The following CNTNAP3B variants were observed in gnomAD, a reference collection of about 807,000 sequenced individuals.
The protein encoded by CNTNAP3B is contactin associated protein family member 3B, also known as contactin-associated protein-like 3B.
In CNTNAP3B, 25 loss-of-function variants were observed where a neutral mutation model predicts 108.9. The ratio of observed to expected loss-of-function variants is 0.23; its 90% CI spans 0.17 to 0.32. CNTNAP3B has a LOEUF of 0.32. Among genes scored for constraint, CNTNAP3B ranks in the 10% least tolerant of loss-of-function variants. CNTNAP3B has a pLI of 1.00. For missense variants in CNTNAP3B, 252 were observed against 1,210.4 expected (o/e 0.21, Z 11.75); for synonymous variants, 103 against 473.4 (o/e 0.22, Z 10.16).
intron 9 of CNTNAP3B, among the ~76,000 whole-genome samples, chr9:41,973,913 C>T (rs1161449027): frequency 7.4e-6 from 1 of 135,706 alleles, no homozygotes. Flanking sequence ...GGCACCATCT[C>T]GGTTCACTGC....
chr9:42,119,920 G>T (rs1163242840), intron 1 of CNTNAP3B, among the ~76,000 whole-genome samples: 3 of 139,902 alleles, frequency 2.1e-5, no homozygotes, highest in African/African-American at 8.5e-5. Context: ...CATGGGCAAG[G>T]ACTTCATGTC....
At chr9:41,930,657 C>A (rs1823950566) in intron 14 of CNTNAP3B, among the ~76,000 whole-genome samples, 1 of 152,298 alleles carries the variant, frequency 6.6e-6, no homozygotes, top group Non-Finnish European at 1.5e-5. Context: ...TAGTCTCTGC[C>A]TTCTGAAAGC....
chr9:42,084,437 G>C (rs1354461732), intron 2 of CNTNAP3B, among the ~76,000 whole-genome samples: 1 of 93,558 alleles, frequency 1.1e-5, no homozygotes, highest in South Asian at 3.2e-4. Flanking sequence ...ACTTTCTTCA[G>C]GGAGTGATTA....
At chr9:41,953,001 G>A (rs1312785373) in intron 13 of CNTNAP3B, among the ~76,000 whole-genome samples, 182 bp downstream of exon 13, 2 of 152,266 alleles carry the variant, frequency 1.3e-5, no homozygotes, top group East Asian at 3.8e-4. Flanking sequence ...CAACGGTCAG[G>A]AAGGCGCTCT....
chr9:42,007,680 A>G (rs1339519571), intron 4 of CNTNAP3B, among the ~76,000 whole-genome samples: 1 of 139,290 alleles, frequency 7.2e-6, no homozygotes. Context: ...TGAAAACACT[A>G]ATCAGAAGAA....
At chr9:41,923,016 A>T in intron 16 of CNTNAP3B, 121 bp from the exon 17 acceptor site, 1 of 729,220 alleles carries the variant, frequency 1.4e-6, no homozygotes, top group Non-Finnish European at 2.3e-6. Flanking sequence ...CGATGCAGAA[A>T]AACAAGACTG....
At chr9:41,998,091 TAC>T (rs1825939895) in intron 5 of CNTNAP3B, among the ~76,000 whole-genome samples, 1 of 85,408 alleles carries the variant, frequency 1.2e-5, no homozygotes, top group Non-Finnish European at 2.3e-5. Flanking sequence ...ATATATATTA[TAC>T]ACACATATGG....
In CNTNAP3B at chr9:42,107,044, G is replaced by A. The variant is rs540477375; in HGVS notation, c.86-2305C>T. Among the ~76,000 whole-genome samples, 7 of 92,174 alleles carry A rather than the reference G, an allele frequency of 7.6e-5. 2 individuals carry two copies. The highest frequency in any genetic ancestry group is 2.9e-4 in the African/African-American group (7 of 24,216). 60.5% of individuals were successfully genotyped at this position (92,174 alleles called of 152,430 possible). A position where few individuals can be genotyped will look rare whatever the true frequency, so the allele number is the denominator to read the frequency against. On this transcript the variant is annotated intron_variant, in intron 1 of 23. Transcript: ENST00000377561. ...CATAAAACAGCACTGGGCGTTTCACGTGTCCCTGGATTCCTGCAGTATCAT... is the reference window on the plus strand; with the variant it reads ...CATAAAACAGCACTGGGCGTTTCACATGTCCCTGGATTCCTGCAGTATCAT...
intron 14 of CNTNAP3B, among the ~76,000 whole-genome samples, chr9:41,935,921 G>A (rs1824142618): frequency 6.6e-6 from 1 of 152,292 alleles, no homozygotes; most frequent in African/African-American, 2.4e-5. Context: ...ACCCACCTCA[G>A]TTCCTCCCAT....
chr9:41,967,505 C>A (rs1182320094), intron 10 of CNTNAP3B, among the ~76,000 whole-genome samples: 1 of 152,252 alleles, frequency 6.6e-6, no homozygotes, highest in Non-Finnish European at 1.5e-5. Flanking sequence ...TCTTTATTAG[C>A]AGCATGAGAA....
At chr9:42,086,256 T>C (rs1827700935) in intron 2 of CNTNAP3B, among the ~76,000 whole-genome samples, 1 of 141,500 alleles carries the variant, frequency 7.1e-6, no homozygotes, top group African/African-American at 2.8e-5. Context: ...GCCCCCATGA[T>C]TCAGTTATCT....
intron 13 of CNTNAP3B, among the ~76,000 whole-genome samples, chr9:41,940,660 C>CA (rs1210974464): frequency 2.0e-5 from 3 of 152,368 alleles, no homozygotes; most frequent in Non-Finnish European, 4.4e-5. Context: ...ACTAAAAATA[C>CA]AAAAAATAGA....
intron 15 of CNTNAP3B, among the ~76,000 whole-genome samples, chr9:41,927,760 A>G (rs1823860628): frequency 1.3e-5 from 2 of 152,248 alleles, no homozygotes; most frequent in Non-Finnish European, 1.5e-5. Context: ...CACAGAGGTA[A>G]CAGAGAAATC....
intron 2 of CNTNAP3B, among the ~76,000 whole-genome samples, chr9:42,078,981 A>T (rs1827553492): frequency 6.6e-6 from 1 of 150,750 alleles, no homozygotes; most frequent in East Asian, 2.0e-4. Flanking sequence ...GTTCCCTTTA[A>T]GTAAATTTTG....
chr9:42,019,947 TTTAA>T (rs372507177), intron 3 of CNTNAP3B, among the ~76,000 whole-genome samples: 13,156 of 111,564 alleles, frequency 0.12, 69 homozygotes, highest in Middle Eastern at 0.23. Context: ...TATGCATATC[TTTAA>T]TTAATTAAAT....
intron 1 of CNTNAP3B, among the ~76,000 whole-genome samples, chr9:42,109,999 C>T (rs1281856797): frequency 7.2e-6 from 1 of 138,618 alleles, no homozygotes; most frequent in Non-Finnish European, 1.5e-5. Context: ...ATGCATGTCC[C>T]CCTAGAGCCT....
At chr9:41,953,472 C>A (rs1435948336) in intron 12 of CNTNAP3B, 86 bp from the exon 13 acceptor site, 4 of 1,488,750 alleles carry the variant, frequency 2.7e-6, no homozygotes, top group African/African-American at 1.4e-5. Flanking sequence ...TGTGAATTAA[C>A]GTTTAATTGA....
At chr9:41,933,193 T>A (rs1477867859) in intron 14 of CNTNAP3B, among the ~76,000 whole-genome samples, 2 of 152,234 alleles carry the variant, frequency 1.3e-5, no homozygotes, top group East Asian at 3.8e-4. Flanking sequence ...AACAGCAGCG[T>A]TACTGATATT....
At chr9:41,929,885 C>G (rs1429932031) in intron 14 of CNTNAP3B, among the ~76,000 whole-genome samples, 1 of 151,856 alleles carries the variant, frequency 6.6e-6, no homozygotes, top group Non-Finnish European at 1.5e-5. Context: ...TGGATTTCAC[C>G]CAAAGCAAGA....
Sources: gnomAD v4.1 joint callset for allele counts (sites outside exome capture counted in the v4.1 genomes callset) on GRCh38, gnomAD v4.1.1 for gene constraint, MANE v1.5 for transcripts, NCBI Gene and HGNC (gene_info 2026-07-23, HGNC 2026-07-21) for gene names.